The following KIF1B variants were observed in gnomAD, a reference collection of about 807,000 sequenced individuals.
KIF1B encodes kinesin family member 1B.
In KIF1B, 76 loss-of-function variants were observed where a neutral mutation model predicts 241.9. That is an observed-to-expected ratio of 0.31 (90% CI 0.26 to 0.38). The LOEUF (loss-of-function observed/expected upper bound fraction) is 0.38, where lower values mean the gene tolerates loss of function less well. KIF1B is among the 10% of genes least tolerant of loss of function. The probability of loss-of-function intolerance (pLI) is 1.00; values close to 1 mark genes in which losing one functional copy is unlikely to be tolerated. For synonymous variants in KIF1B, 750 were observed against 796.7 expected (o/e 0.94, Z 0.99); for missense variants, 1,622 against 2,271.4 (o/e 0.71, Z 5.81).
At chr1:10,357,530 TCAAGA>T (rs1638285348) in intron 38 of KIF1B, among the ~76,000 whole-genome samples, 1 of 152,016 alleles carries the variant, frequency 6.6e-6, no homozygotes, top group Non-Finnish European at 1.5e-5. Flanking sequence ...GCCCAAGAGT[TCAAGA>T]CCTGCCTGGG....
chr1:10,325,021 C>T, intron 26 of KIF1B, 126 bp downstream of exon 26: 2 of 1,010,964 alleles, frequency 2.0e-6, no homozygotes, highest in Non-Finnish European at 3.0e-6. Context: ...TATCTATAAT[C>T]TTATCCACTC....
intron 2 of KIF1B, among the ~76,000 whole-genome samples, chr1:10,240,469 A>G (rs1049275075): frequency 1.3e-5 from 2 of 152,178 alleles, no homozygotes; most frequent in Non-Finnish European, 2.9e-5. Context: ...TGTCCTCCCA[A>G]AGTGCTGGGA....
intron 37 of KIF1B, among the ~76,000 whole-genome samples, chr1:10,352,177 C>T (rs950314918): frequency 5.4e-5 from 7 of 128,826 alleles, no homozygotes; most frequent in East Asian, 2.3e-4. Context: ...TGGATTGGAA[C>T]GGGGGAGGTG....
chr1:10,326,189 C>T lies in KIF1B; in HGVS notation c.2754C>T (p.Ser918=), dbSNP rs774630480. The change falls in exon 27 of 49, where the codon TCC becomes TCT. Residue 918 remains serine, a synonymous_variant. Coordinates refer to ENST00000676179, the MANE Select transcript of KIF1B (RefSeq NM_001365951.3). This position sits in a 1 kb window ranked among gnomAD's most constrained non-coding sequence, Gnocchi z 5.2. ...CCCCCACTTTTTCCACGGCCGATTC[C>T]GACATCACTGAGCTGGCTGACGAGC... The part of the protein sequence containing the change: ...TPSPTFSTAD[S]DITELADEQQ... 2.2e-5 allele frequency: 35 copies of T among 1,614,028 alleles called. No homozygotes were observed. The highest frequency in any genetic ancestry group is 1.4e-5 in the Non-Finnish European group (16 of 1,180,042).
chr1:10,375,026 G>T lies in KIF1B; in HGVS notation c.5269G>T (p.Asp1757Tyr). 2 of 1,614,110 alleles carry T rather than the reference G, an allele frequency of 1.2e-6. No individual in the cohort carries two copies. Among genetic ancestry groups the T allele is most frequent in the South Asian group, 2.2e-5 (2 of 91,072 alleles). Reference sequence around the variant, plus strand: ...CACAGCACAGGTGGAGTACAGTGAGGACCAGCAGGCCATGGTGAAGGTCCG... The same window carrying T: ...CACAGCACAGGTGGAGTACAGTGAGTACCAGCAGGCCATGGTGAAGGTCCG... ...LSTAQVEYSEDQQAMVKTPNT... is the reference protein window; with the variant it reads ...LSTAQVEYSEYQQAMVKTPNT... The change falls in exon 47 of 49, where the codon GAC becomes TAC. Residue 1757 changes from aspartate (D) to tyrosine (Y), a missense_variant. Physicochemically the swap from Asp to Tyr is radical, Grantham distance 160. Coordinates refer to ENST00000676179, the MANE Select transcript of KIF1B (RefSeq NM_001365951.3).
At chr1:10,350,284 G>C (rs1048362493) in intron 37 of KIF1B, among the ~76,000 whole-genome samples, 4 of 151,504 alleles carry the variant, frequency 2.6e-5, no homozygotes, top group African/African-American at 9.7e-5. Context: ...AATAGGCCGG[G>C]CGTGGTGGCT....
rs1467786879 is a variant in KIF1B, at chr1:10,321,801, G to A, written c.2302G>A (p.Gly768Ser). The change falls in exon 24 of 49, where the codon GGC becomes AGC. Residue 768 changes from glycine (G) to serine (S), a missense_variant. Around this residue, in one of 7 missense-constraint regions of KIF1B, gnomAD observed 803 missense variants for 1,112.0 expected, o/e 0.72. Transcript: ENST00000676179. ...TACTTCATTACGGGACTTACTCTGG[G>A]GCAATGCCGTGTACCTAAAGGAGGC... ...QFTSLRDLLW[G>S]NAVYLKEANA... The A allele has an allele frequency of 1.2e-6, 2 of 1,614,166 alleles. No homozygotes were observed. Among genetic ancestry groups the A allele is most frequent in the Non-Finnish European group, 8.5e-7 (1 of 1,180,024 alleles).
rs137864396 is a variant in KIF1B, at chr1:10,347,504, C to G, written c.3798-257C>G. 7.3e-4 allele frequency among the ~76,000 whole-genome samples: 111 copies of G among 152,310 alleles called. 1 individual carries two copies. In the East Asian group the frequency reaches 0.019, roughly 25 times the overall value. ...CCTGTCAATTGCCATTGCACTTCTA[C>G]ATTATTTATTGAATACTTAATATCA... On this transcript the variant is annotated intron_variant, in intron 35 of 48. Coordinates refer to ENST00000676179, the MANE Select transcript of KIF1B (RefSeq NM_001365951.3).
intron 8 of KIF1B, 65 bp from the exon 9 acceptor site, chr1:10,272,176 G>A (rs1648837259): frequency 2.0e-6 from 2 of 1,001,176 alleles, no homozygotes; most frequent in South Asian, 1.3e-5. Flanking sequence ...CATATTTTAT[G>A]TTCTGTATGA....
rs868452118 is a variant in KIF1B, at chr1:10,310,064, C to T, written c.2116-9979C>T. Among the ~76,000 whole-genome samples the T allele has an allele frequency of 1.1e-4, 17 of 151,520 alleles. 1 individual carries two copies. Among genetic ancestry groups the T allele is most frequent in the Non-Finnish European group, 1.6e-4 (11 of 68,038 alleles). Reference sequence around the variant, plus strand: ...GACTCACTGTTTTAATAATGATGGCCTGTAATTATCTTTTCTTTGTATTTG... The same window carrying T: ...GACTCACTGTTTTAATAATGATGGCTTGTAATTATCTTTTCTTTGTATTTG... On this transcript the variant is annotated intron_variant, in intron 22 of 48. Transcript: ENST00000676179.
At chr1:10,242,631 C>G (rs541309674) in intron 2 of KIF1B, among the ~76,000 whole-genome samples, 1 of 152,228 alleles carries the variant, frequency 6.6e-6, no homozygotes, top group Admixed American at 6.5e-5. Flanking sequence ...ATTCTCCTGC[C>G]TAAGCCTCCC....
chr1:10,341,066 G>C (rs539181898), intron 32 of KIF1B, among the ~76,000 whole-genome samples: 1 of 152,334 alleles, frequency 6.6e-6, no homozygotes, highest in African/African-American at 2.4e-5. Context: ...CTGTGCACAA[G>C]GATTGTGCCT....
chr1:10,218,596 T>G (rs1646799451), intron 1 of KIF1B, among the ~76,000 whole-genome samples: 1 of 152,136 alleles, frequency 6.6e-6, no homozygotes, highest in African/African-American at 2.4e-5. Flanking sequence ...AATTTTTGTA[T>G]TTTTAGTAGA....
chr1:10,373,858 C>T (rs1411400624), intron 45 of KIF1B, among the ~76,000 whole-genome samples: 1 of 152,182 alleles, frequency 6.6e-6, no homozygotes, highest in African/African-American at 2.4e-5. Context: ...GGCTCAACCC[C>T]ACCCAAAGTT....
At chr1:10,213,528 A>C (rs1208114135) in intron 1 of KIF1B, among the ~76,000 whole-genome samples, 1 of 152,164 alleles carries the variant, frequency 6.6e-6, no homozygotes, top group Non-Finnish European at 1.5e-5. Flanking sequence ...AAAGTAAAGG[A>C]CAATGGGCCC....
At chr1:10,237,974 G>GCT (rs1172308376) in intron 2 of KIF1B, among the ~76,000 whole-genome samples, 3 of 151,952 alleles carry the variant, frequency 2.0e-5, no homozygotes, top group African/African-American at 7.3e-5. Context: ...ACGCCACTGC[G>GCT]CTCTAGCCTG....
chr1:10,284,073 A>T (rs1010387123), intron 15 of KIF1B, among the ~76,000 whole-genome samples: 6 of 152,094 alleles, frequency 3.9e-5, no homozygotes, highest in African/African-American at 1.4e-4. Flanking sequence ...CATTTTACTT[A>T]CTTCAAAAGT....
intron 12 of KIF1B, among the ~76,000 whole-genome samples, chr1:10,276,874 A>C (rs1649139858): frequency 6.6e-6 from 1 of 152,148 alleles, no homozygotes; most frequent in Admixed American, 6.5e-5. Context: ...TGAGGTCAGG[A>C]GTTTGAGACC....
At chr1:10,254,838 C>G (rs1030756758) in intron 2 of KIF1B, among the ~76,000 whole-genome samples, 10 of 143,158 alleles carry the variant, frequency 7.0e-5, no homozygotes, top group African/African-American at 2.6e-4. Flanking sequence ...GATCGTGCCA[C>G]TCCCCTTCAG....
Sources: allele counts gnomAD v4.1 joint callset (sites outside exome capture counted in the v4.1 genomes callset), GRCh38; gene constraint gnomAD v4.1.1; regional missense constraint gnomAD v4.1.1; non-coding constraint Gnocchi (gnomAD v3.1); transcripts MANE v1.5; gene names NCBI Gene and HGNC (gene_info 2026-07-23, HGNC 2026-07-21).